The following CARD8 variants were observed in gnomAD, a reference collection of about 807,000 sequenced individuals.
CARD8 encodes the protein caspase recruitment domain family member 8.
CARD8 carries 38 observed loss-of-function variants against 53.2 expected under a neutral mutation model. The ratio of observed to expected loss-of-function variants is 0.71; its 90% CI spans 0.55 to 0.94. The LOEUF is 0.94. Among genes scored for constraint, CARD8 ranks in the 40% least tolerant of loss-of-function variants. CARD8 has a pLI of 0.00. For synonymous variants in CARD8, 245 were observed against 244.9 expected, an observed-to-expected ratio of 1.00 and a Z score of 0.00; for missense variants, 561 against 655.5, an observed-to-expected ratio of 0.86 and a Z score of 1.57.
At chr19:48,223,094 A>T (rs2041011595) in intron 10 of CARD8, among the ~76,000 whole-genome samples, 2 of 152,162 alleles carry the variant, frequency 1.3e-5, no homozygotes, top group Non-Finnish European at 2.9e-5. Context: ...ACCTGAGGTC[A>T]GGAGTTCGAG....
At chr19:48,241,456 A>T (rs1161602071) in intron 3 of CARD8, among the ~76,000 whole-genome samples, 2 of 152,148 alleles carry the variant, frequency 1.3e-5, no homozygotes, top group Non-Finnish European at 2.9e-5. Context: ...GGGTTTCTCC[A>T]TGTTGGTCAG....
Position 48,215,387 on chromosome 19 carries a change from AC to A in CARD8, c.1304-4del, listed in dbSNP as rs771109364. The A allele has an allele frequency of 1.2e-6, 2 of 1,606,270 alleles. No individual in the cohort carries two copies. Among genetic ancestry groups the A allele is most frequent in the African/African-American group, 2.7e-5 (2 of 74,724 alleles). ...TGCAGCTACAAGCTGGAGATCCACT[AC>A]AAAAGAGGGAAAAATTATATGATGA... On this transcript the variant is annotated splice_polypyrimidine_tract_variant and splice_region_variant and intron_variant, in intron 12 of 13. Coordinates refer to ENST00000651546, the MANE Select transcript of CARD8 (RefSeq NM_001184900.3).
chr19:48,220,955 A>AGGAAGGAAGG (rs2040416473), intron 11 of CARD8, among the ~76,000 whole-genome samples: 1 of 12,472 alleles, frequency 8.0e-5, no homozygotes, highest in South Asian at 2.1e-3. Context: ...AAGGAAAGGA[A>AGGAAGGAAGG]AGGAAGGAAG....
chr19:48,206,678 G>T (rs758688978), downstream of CARD8, among the ~76,000 whole-genome samples: 18 of 151,042 alleles, frequency 1.2e-4, no homozygotes, highest in Non-Finnish European at 2.4e-4. Flanking sequence ...TGCAGTCAGG[G>T]GCTCTTGAGC....
chr19:48,237,528 G>A (rs781554592), intron 5 of CARD8, among the ~76,000 whole-genome samples: 34 of 152,000 alleles, frequency 2.2e-4, no homozygotes, highest in African/African-American at 8.2e-4. Flanking sequence ...TGGGTGCAGC[G>A]ACTCACGCCT....
chr19:48,212,873 T>C (rs2038310838), intron 13 of CARD8: 1 of 152,254 alleles, frequency 6.6e-6, no homozygotes, highest in Non-Finnish European at 1.5e-5. Flanking sequence ...CATGATTTCT[T>C]TTTATTTAAT....
chr19:48,228,194 A>C (rs35446263), intron 10 of CARD8, among the ~76,000 whole-genome samples: 5,728 of 152,340 alleles, frequency 0.038, 189 homozygotes, highest in Middle Eastern at 0.11. Context: ...GCAGAAAAAG[A>C]AGCTCAGGGC....
intron 12 of CARD8, 109 bp downstream of exon 12, chr19:48,218,762 T>A (rs2039898891): frequency 8.1e-7 from 1 of 1,237,890 alleles, no homozygotes. Context: ...AATAGATTTC[T>A]TTTCTTCTCT....
chr19:48,203,972 G>A (rs2037249861), downstream of CARD8: 3 of 339,498 alleles, frequency 8.8e-6, no homozygotes, highest in Non-Finnish European at 1.8e-5. Flanking sequence ...GAGGGCCTGC[G>A]CAGTAGAACC....
intron 5 of CARD8, among the ~76,000 whole-genome samples, chr19:48,237,899 TA>T (rs886642276): frequency 3.9e-5 from 6 of 152,114 alleles, no homozygotes; most frequent in Non-Finnish European, 2.9e-5. Context: ...ATATTGTTAT[TA>T]TTTTTTTTGA....
intron 12 of CARD8, 142 bp downstream of exon 12, chr19:48,218,729 T>A: frequency 1.2e-6 from 1 of 854,986 alleles, no homozygotes; most frequent in Non-Finnish European, 1.8e-6. Flanking sequence ...CCCCTCCCTG[T>A]GTCCATGTGT....
At chr19:48,237,399 C>G (rs917865592) in intron 5 of CARD8, among the ~76,000 whole-genome samples, 2 of 152,064 alleles carry the variant, frequency 1.3e-5, no homozygotes, top group African/African-American at 2.4e-5. Flanking sequence ...GATATGCCCC[C>G]TTGATCCATT....
rs1297310040 is a variant in CARD8 at position 48,208,365 on chromosome 19, A to G, written c.*3345T>C. 6.6e-6 allele frequency: 1 copy of G among 152,206 alleles called. No homozygotes were observed. Among genetic ancestry groups the G allele is most frequent in the African/African-American group, 2.4e-5 (1 of 41,452 alleles). The allele number at this position is 152,206 out of a possible 1,614,324, so 9.4% of individuals were successfully genotyped here. A position where few individuals can be genotyped will look rare whatever the true frequency, so the allele number is the denominator to read the frequency against. ...GCCCTGAGAATGGAGCTAACAGGATACACTGCACCCAATCTCATAGGCACA... is the reference window on the plus strand; with the variant it reads ...GCCCTGAGAATGGAGCTAACAGGATGCACTGCACCCAATCTCATAGGCACA... On this transcript the variant is annotated 3_prime_UTR_variant, in exon 14 of 14. Coordinates refer to ENST00000651546, the MANE Select transcript of CARD8 (RefSeq NM_001184900.3).
chr19:48,213,738 A>C (rs1488865698), intron 13 of CARD8, among the ~76,000 whole-genome samples: 1 of 152,108 alleles, frequency 6.6e-6, no homozygotes, highest in South Asian at 2.1e-4. Context: ...AGTGTCCTTA[A>C]CAGATCCTTG....
Position 48,221,006 on chromosome 19 carries a change from G to GAA in CARD8, c.1161+722_1161+723dup, listed in dbSNP as rs1491152994. ...GGAAGGAAGGAAGGAAAGAAAGAAA[G>GAA]AAAAAGAAAGAAAGAAAGAGAGAAA... On this transcript the variant is annotated intron_variant, in intron 11 of 13. Transcript: ENST00000651546. 4.5e-5 allele frequency among the ~76,000 whole-genome samples: 4 copies of GAA among 88,322 alleles called. No homozygotes were observed. The South Asian group carries it at 1.4e-3, about 32-fold the overall frequency. 57.9% of individuals were successfully genotyped at this position (88,322 alleles called of 152,430 possible).
chr19:48,242,174 G>A (rs2045272379), intron 3 of CARD8, among the ~76,000 whole-genome samples: 1 of 152,132 alleles, frequency 6.6e-6, no homozygotes, highest in African/African-American at 2.4e-5. Context: ...GGGGCCTTCG[G>A]GAGGTGATGA....
chr19:48,238,252 G>A, intron 5 of CARD8, 131 bp downstream of exon 5: 1 of 1,383,222 alleles, frequency 7.2e-7, no homozygotes. Context: ...AGATAACAAA[G>A]AAGAAAAGTA....
At chr19:48,249,066 G>T (rs566431941) in intron 3 of CARD8, among the ~76,000 whole-genome samples, 1 of 151,934 alleles carries the variant, frequency 6.6e-6, no homozygotes, top group Non-Finnish European at 1.5e-5. Flanking sequence ...GCGTGGTGGC[G>T]GGCGCCTGTC....
chr19:48,225,997 G>GAGCTGAGATC (rs2041698580), intron 10 of CARD8, among the ~76,000 whole-genome samples: 1 of 143,522 alleles, frequency 7.0e-6, no homozygotes, highest in Non-Finnish European at 1.5e-5. Flanking sequence ...AGGTTGCAGT[G>GAGCTGAGATC]AGCTGAGATC....
Sources: gnomAD v4.1 joint callset for allele counts (sites outside exome capture counted in the v4.1 genomes callset) on GRCh38, gnomAD v4.1.1 for gene constraint, MANE v1.5 for transcripts, NCBI Gene and HGNC (gene_info 2026-07-23, HGNC 2026-07-21) for gene names.